ZCCHC24: variants seen among roughly 807,000 people sequenced by gnomAD.
ZCCHC24 encodes zinc finger CCHC domain-containing protein 24.
ZCCHC24 carries 10 observed loss-of-function variants against 26.2 expected under a neutral mutation model. The ratio of observed to expected loss-of-function variants is 0.38; its 90% CI spans 0.24 to 0.65. ZCCHC24 has a LOEUF of 0.65. ZCCHC24 is among the 30% of genes least tolerant of loss of function. The probability of loss-of-function intolerance (pLI) is 0.54; values close to 1 mark genes in which losing one functional copy is unlikely to be tolerated. For missense variants in ZCCHC24, 243 were observed against 329.1 expected, an observed-to-expected ratio of 0.74 and a Z score of 2.03; for synonymous variants, 144 against 147.1, an observed-to-expected ratio of 0.98 and a Z score of 0.15.
At chr10:79,414,382 C>T (rs933886574) in intron 2 of ZCCHC24, among the ~76,000 whole-genome samples, 1 of 152,192 alleles carries the variant, frequency 6.6e-6, no homozygotes, top group Non-Finnish European at 1.5e-5. Context: ...TTCAGAAGCA[C>T]GTACTTGAGG....
intron 2 of ZCCHC24, among the ~76,000 whole-genome samples, chr10:79,413,654 C>T (rs887140163): frequency 2.6e-5 from 4 of 152,288 alleles, no homozygotes; most frequent in South Asian, 4.1e-4. Context: ...CAATGACAAC[C>T]GGGAGTTCAG....
At chr10:79,414,967 G>A (rs2132199005) in intron 2 of ZCCHC24, among the ~76,000 whole-genome samples, 1 of 152,274 alleles carries the variant, frequency 6.6e-6, no homozygotes, top group South Asian at 2.1e-4. Context: ...ATCAATGTCA[G>A]GCCTCCCAAG....
intron 2 of ZCCHC24, among the ~76,000 whole-genome samples, chr10:79,421,070 C>A (rs1856927230): frequency 1.3e-5 from 2 of 152,188 alleles, no homozygotes; most frequent in Non-Finnish European, 1.5e-5. Context: ...AGGCACCTCA[C>A]TGAAAGGAGA....
At chr10:79,409,366 C>G (rs569097472) in intron 2 of ZCCHC24, 1 of 152,482 alleles carries the variant, frequency 6.6e-6, no homozygotes, top group South Asian at 2.1e-4. Flanking sequence ...GACATCTCCC[C>G]TGCCCTCCAG....
chr10:79,443,068 A>C (rs1857310856), intron 1 of ZCCHC24, among the ~76,000 whole-genome samples: 1 of 152,208 alleles, frequency 6.6e-6, no homozygotes, highest in South Asian at 2.1e-4. Flanking sequence ...GGTGTAGCAG[A>C]GACTAAATTT....
intron 3 of ZCCHC24, among the ~76,000 whole-genome samples, chr10:79,388,213 A>G (rs1856426633): frequency 1.3e-5 from 2 of 152,100 alleles, no homozygotes; most frequent in Admixed American, 1.3e-4. Flanking sequence ...GATAATGAAT[A>G]CAAACAGCCC....
At chr10:79,440,534 G>A (rs1857279841) in intron 1 of ZCCHC24, among the ~76,000 whole-genome samples, 1 of 152,188 alleles carries the variant, frequency 6.6e-6, no homozygotes, top group Non-Finnish European at 1.5e-5. Context: ...CTGATCCAGG[G>A]GAGAGCAAAT....
Position 79,385,960 on chromosome 10 carries a change from T to C in ZCCHC24, c.*385A>G, listed in dbSNP as rs541611997. ...AGGCGGCCTGGCTGGTCTGGGGAGG[T>C]TTGGGATTCACAGTCAATTTAGTGC... On this transcript the variant is annotated 3_prime_UTR_variant, in exon 4 of 4. Coordinates refer to ENST00000372336, the MANE Select transcript of ZCCHC24 (RefSeq NM_153367.4). This position sits in a 1 kb window ranked among gnomAD's most constrained non-coding sequence, Gnocchi z 4.3. 9 of 411,146 alleles carry C rather than the reference T, an allele frequency of 2.2e-5. No homozygotes were observed. The South Asian group carries it at 8.5e-4, about 39-fold the overall frequency. The allele number at this position is 411,146 out of a possible 1,614,324, so 25.5% of individuals were successfully genotyped here. A position where few individuals can be genotyped will look rare whatever the true frequency, so the allele number is the denominator to read the frequency against.
intron 2 of ZCCHC24, among the ~76,000 whole-genome samples, chr10:79,421,785 C>T (rs1356456730): frequency 6.6e-6 from 1 of 152,126 alleles, no homozygotes; most frequent in Non-Finnish European, 1.5e-5. Flanking sequence ...CGCCACCACA[C>T]CTGGCTAATT....
chr10:79,394,150 G>A (rs1039714368), intron 3 of ZCCHC24, 126 bp downstream of exon 3: 70 of 1,321,958 alleles, frequency 5.3e-5, no homozygotes, highest in Non-Finnish European at 5.4e-5. Flanking sequence ...CATTTCAGAT[G>A]AGACAAGGAA....
intron 2 of ZCCHC24, among the ~76,000 whole-genome samples, chr10:79,424,897 G>A (rs1857005340): frequency 6.6e-6 from 1 of 152,178 alleles, no homozygotes; most frequent in Non-Finnish European, 1.5e-5. Context: ...CGAAGCTCCA[G>A]GCTGAGCTGG....
At chr10:79,426,222 T>C (rs1923360) in intron 2 of ZCCHC24, among the ~76,000 whole-genome samples, 45,938 of 152,128 alleles carry the variant, frequency 0.3, 7,386 homozygotes, top group East Asian at 0.53. Context: ...TTAAGCTTGC[T>C]TTCACTGTTG....
intron 3 of ZCCHC24, among the ~76,000 whole-genome samples, chr10:79,393,796 C>T (rs116026899): frequency 6.6e-6 from 1 of 152,208 alleles, no homozygotes; most frequent in African/African-American, 2.4e-5. Context: ...CAGCCCCCCA[C>T]TTGTGATAGG....
In ZCCHC24 at chr10:79,403,976, G is replaced by A. The variant is rs149627088; in HGVS notation, c.448-9536C>T. Among the ~76,000 whole-genome samples, 79 of 152,172 alleles carry A rather than the reference G, an allele frequency of 5.2e-4. 1 individual carries two copies. The highest frequency in any genetic ancestry group is 1.8e-3 in the African/African-American group (75 of 41,506). On this transcript the variant is annotated intron_variant, in intron 2 of 3. Transcript: ENST00000372336. ...GAGAGATCCTGGAGAGACAGGGAGTGAGGACACGATGTTGGGAATGAGGGG... is the reference window on the plus strand; with the variant it reads ...GAGAGATCCTGGAGAGACAGGGAGTAAGGACACGATGTTGGGAATGAGGGG...
At chr10:79,412,248 A>T (rs1378494813) in intron 2 of ZCCHC24, among the ~76,000 whole-genome samples, 2 of 152,252 alleles carry the variant, frequency 1.3e-5, no homozygotes, top group Non-Finnish European at 2.9e-5. Context: ...TGAGTGGCCA[A>T]GGCAGACCCA....
At chr10:79,435,646 G>A (rs1316666038) in intron 1 of ZCCHC24, among the ~76,000 whole-genome samples, 1 of 152,244 alleles carries the variant, frequency 6.6e-6, no homozygotes, top group Non-Finnish European at 1.5e-5. Context: ...AAAGGGTAGA[G>A]ACCGTCAGCT....
intron 1 of ZCCHC24, among the ~76,000 whole-genome samples, chr10:79,438,139 G>C (rs574942975): frequency 3.3e-5 from 5 of 152,112 alleles, no homozygotes. Flanking sequence ...ACTCTGATTC[G>C]AGTCCCTAGC....
At chr10:79,433,635 T>A (rs1454448002) in intron 1 of ZCCHC24, among the ~76,000 whole-genome samples, 2 of 152,176 alleles carry the variant, frequency 1.3e-5, no homozygotes, top group Non-Finnish European at 2.9e-5. Flanking sequence ...CCCAGGAGGG[T>A]CAACAACAAA....
intron 2 of ZCCHC24, among the ~76,000 whole-genome samples, chr10:79,429,112 A>C (rs557692123): frequency 1.3e-5 from 2 of 152,320 alleles, no homozygotes; most frequent in African/African-American, 4.8e-5. Context: ...AGGAAGGAAC[A>C]CTTCCTAACA....
Sources: allele counts gnomAD v4.1 joint callset (sites outside exome capture counted in the v4.1 genomes callset), GRCh38; gene constraint gnomAD v4.1.1; non-coding constraint Gnocchi (gnomAD v3.1); transcripts MANE v1.5; gene names NCBI Gene and HGNC (gene_info 2026-07-23, HGNC 2026-07-21).